DPPA4: variants seen among roughly 807,000 people sequenced by gnomAD.
DPPA4 encodes developmental pluripotency-associated protein 4.
Under a neutral mutation model 33.7 loss-of-function variants are expected in DPPA4, and 22 were observed. The observed-to-expected ratio is 0.65, with a 90% CI of 0.47 to 0.93. DPPA4 has a LOEUF of 0.93. DPPA4 is among the 40% of genes least tolerant of loss of function. The pLI, the probability that DPPA4 is intolerant of heterozygous loss-of-function variation, is 0.00. For synonymous variants in DPPA4, 156 were observed against 132.3 expected, an observed-to-expected ratio of 1.18 and a Z score of -1.23; for missense variants, 340 against 358.6, an observed-to-expected ratio of 0.95 and a Z score of 0.42.
upstream of DPPA4, chr3:109,337,582 C>T: frequency 6.8e-7 from 1 of 1,469,652 alleles, no homozygotes; most frequent in Non-Finnish European, 9.5e-7. Flanking sequence ...TCCTGCCGCC[C>T]GAAGACCCTT....
chr3:109,329,611 G>A (rs1310518957), intron 5 of DPPA4: 2 of 156,554 alleles, frequency 1.3e-5, no homozygotes, highest in African/African-American at 4.8e-5. Flanking sequence ...TAGTATAGTT[G>A]TAGGTGGGCA....
chr3:109,334,049 C>CT (rs1708142457), intron 1 of DPPA4, 56 bp from the exon 2 acceptor site: 1 of 1,595,100 alleles, frequency 6.3e-7, no homozygotes, highest in African/African-American at 1.3e-5. Context: ...CACACATACA[C>CT]TACCTGCCTC....
intron 5 of DPPA4, 191 bp downstream of exon 5, chr3:109,330,310 AAAAAAAAAAAAAAAAAAAAAAGG>A: frequency 3.6e-5 from 1 of 27,608 alleles, no homozygotes; most frequent in Non-Finnish European, 5.9e-5. Flanking sequence ...CAAAAAAAAA[AAAAAAAAAAAAAAAAAAAAAAGG>A]AAAAAAAAAA....
upstream of DPPA4, among the ~76,000 whole-genome samples, chr3:109,338,720 CAA>C (rs1708258517): frequency 6.6e-6 from 1 of 152,106 alleles, no homozygotes; most frequent in Admixed American, 6.6e-5. Context: ...CCCAAGGCGG[CAA>C]AGAGGAAACC....
chr3:109,331,815 CA>C (rs1463089781), intron 3 of DPPA4, 31 bp from the exon 4 acceptor site: 1 of 1,613,452 alleles, frequency 6.2e-7, no homozygotes, highest in Non-Finnish European at 8.5e-7. Context: ...GTTAGTAAGG[CA>C]AATAAGGTTC....
At chr3:109,329,222 C>T (rs1708001586) in intron 5 of DPPA4, 134 bp from the exon 6 acceptor site, 2 of 759,296 alleles carry the variant, frequency 2.6e-6, no homozygotes, top group Non-Finnish European at 4.4e-6. Context: ...TTAACCTCTT[C>T]TCTATTCTGT....
intron 1 of DPPA4, among the ~76,000 whole-genome samples, chr3:109,335,326 T>A (rs1241538448): frequency 1.3e-5 from 2 of 152,082 alleles, no homozygotes; most frequent in Non-Finnish European, 2.9e-5. Context: ...GGTCTCCCTA[T>A]GTCTCCCCCC....
chr3:109,333,276 A>T (rs1708119779), intron 2 of DPPA4: 1 of 146,332 alleles, frequency 6.8e-6, no homozygotes, highest in South Asian at 2.2e-4. Flanking sequence ...CGGGAGGCAC[A>T]GGTTGCAGGG....
At chr3:109,330,070 G>A (rs565179443) in intron 5 of DPPA4, 81 of 194,958 alleles carry the variant, frequency 4.2e-4, no homozygotes, top group African/African-American at 1.7e-3. Flanking sequence ...GGGAGGCCAA[G>A]GTGGGAGGAT....
intron 1 of DPPA4, 64 bp from the exon 2 acceptor site, chr3:109,334,057 C>A: frequency 6.3e-7 from 1 of 1,576,910 alleles, no homozygotes. Flanking sequence ...CACTACCTGC[C>A]TCAAGATAAC....
intron 6 of DPPA4, among the ~76,000 whole-genome samples, chr3:109,328,407 A>G (rs894011817): frequency 1.3e-5 from 2 of 152,188 alleles, no homozygotes; most frequent in Non-Finnish European, 2.9e-5. Context: ...CCAATCACAC[A>G]TTCACATACT....
At chr3:109,338,304 G>A (rs1223902011), upstream of DPPA4, among the ~76,000 whole-genome samples, 2 of 152,166 alleles carry the variant, frequency 1.3e-5, no homozygotes, top group African/African-American at 2.4e-5. Flanking sequence ...TATGACTAAA[G>A]TTGGTATAAA....
In DPPA4 at chr3:109,333,891, T is replaced by C. The variant is rs538006088; in HGVS notation, c.157A>G (p.Met53Val). Reference protein sequence around the residue: ...GTSAKRTKEKMSIKGSKVLCP... With the variant: ...GTSAKRTKEKVSIKGSKVLCP... ...TTACCTTTACTGCCTTTGATAGACATTTTTTCTTTGGTTCTCTTTGCTGAT... is the reference window on the plus strand; with the variant it reads ...TTACCTTTACTGCCTTTGATAGACACTTTTTCTTTGGTTCTCTTTGCTGAT... The change falls in exon 2 of 7, where the codon ATG becomes GTG. Residue 53 changes from methionine (M) to valine (V), a missense_variant. This residue lies in a region of DPPA4 where 96 missense variants were observed against 91.8 expected (regional missense o/e 1.05). Coordinates refer to ENST00000335658, the MANE Select transcript of DPPA4 (RefSeq NM_018189.4). The C allele has an allele frequency of 1.9e-6, 3 of 1,613,946 alleles. No individual in the cohort carries two copies. In the South Asian group the frequency reaches 3.3e-5, roughly 18 times the overall value.
intron 6 of DPPA4, among the ~76,000 whole-genome samples, chr3:109,328,389 A>G (rs1041132575): frequency 4.6e-5 from 7 of 152,224 alleles, no homozygotes; most frequent in African/African-American, 1.7e-4. Flanking sequence ...ATCCCAAAGA[A>G]GGAAAAGCCA....
At chr3:109,335,336 C>A (rs745845058) in intron 1 of DPPA4, among the ~76,000 whole-genome samples, 4 of 152,052 alleles carry the variant, frequency 2.6e-5, no homozygotes, top group South Asian at 4.1e-4. Context: ...TGTCTCCCCC[C>A]ACTGATCTCA....
At chr3:109,334,832 A>C (rs1358122870) in intron 1 of DPPA4, among the ~76,000 whole-genome samples, 1 of 151,880 alleles carries the variant, frequency 6.6e-6, no homozygotes, top group African/African-American at 2.4e-5. Context: ...CCTCCACCCT[A>C]CTTCTATTTA....
In DPPA4 at chr3:109,337,542, A is replaced by C. The variant is rs199742086; in HGVS notation, c.-25T>G. On this transcript the variant is annotated 5_prime_UTR_variant, in exon 1 of 7. Transcript: ENST00000335658. ...TGCTTCCAAAATGGCCCCTGCCCCAAGATTGCTATTTGCAAAGTCTCCTCC... is the reference window on the plus strand; with the variant it reads ...TGCTTCCAAAATGGCCCCTGCCCCACGATTGCTATTTGCAAAGTCTCCTCC... 525 of 1,613,570 alleles carry C rather than the reference A, an allele frequency of 3.3e-4. No individual in the cohort carries two copies. The African/African-American group carries it at 5.6e-3, about 17-fold the overall frequency.
At chr3:109,328,416 C>T (rs1164246209) in intron 6 of DPPA4, among the ~76,000 whole-genome samples, 2 of 152,202 alleles carry the variant, frequency 1.3e-5, no homozygotes, top group Non-Finnish European at 2.9e-5. Context: ...CATTCACATA[C>T]TTCCTCCTGT....
At chr3:109,332,131 CTT>C (rs1279901043) in intron 2 of DPPA4, 100 bp from the exon 3 acceptor site, 44 of 1,179,872 alleles carry the variant, frequency 3.7e-5, no homozygotes, top group Non-Finnish European at 4.8e-5. Flanking sequence ...GAGACAGAAT[CTT>C]GCTCTGTCGC....
Sources: allele counts gnomAD v4.1 joint callset (sites outside exome capture counted in the v4.1 genomes callset), GRCh38; gene constraint gnomAD v4.1.1; regional missense constraint gnomAD v4.1.1; transcripts MANE v1.5; gene names NCBI Gene and HGNC (gene_info 2026-07-23, HGNC 2026-07-21).